The following ZNF99 variants were observed in gnomAD, a reference collection of about 807,000 sequenced individuals.
ZNF99 encodes zinc finger protein ENSP00000375192.
A neutral mutation model predicts 12.8 loss-of-function variants in ZNF99; 8 were observed. That is an observed-to-expected ratio of 0.62 (90% CI 0.37 to 1.13). The LOEUF (loss-of-function observed/expected upper bound fraction) is 1.13. Ranked by LOEUF, ZNF99 falls within the 50% of genes most tolerant of loss-of-function variation. The pLI is 0.02. For missense variants in ZNF99, 1,007 were observed against 1,006.2 expected, an observed-to-expected ratio of 1.00 and a Z score of -0.01; for synonymous variants, 318 against 319.0, an observed-to-expected ratio of 1.00 and a Z score of 0.03.
At chr19:22,778,480 TCA>T (rs1973352998) in intron 1 of ZNF99, among the ~76,000 whole-genome samples, 1 of 152,064 alleles carries the variant, frequency 6.6e-6, no homozygotes. Flanking sequence ...GATTCAGGGC[TCA>T]GTCTCACAAC....
rs1232919898 is a variant in ZNF99, at chr19:22,754,277, G to A, written c.*3037C>T. ...AGCTGCTTGGGAGGTTGAGGCCAGAGAATCGCTTGAACCCAGGAGGCGGAG... is the reference window on the plus strand; with the variant it reads ...AGCTGCTTGGGAGGTTGAGGCCAGAAAATCGCTTGAACCCAGGAGGCGGAG... On this transcript the variant is annotated 3_prime_UTR_variant, in exon 4 of 4. Coordinates refer to ENST00000596209, the MANE Select transcript of ZNF99 (RefSeq NM_001080409.3). 2.3e-6 allele frequency: 1 copy of A among 433,272 alleles called. No homozygotes were observed. Among genetic ancestry groups the A allele is most frequent in the Non-Finnish European group, 4.6e-6 (1 of 216,380 alleles). The allele number at this position is 433,272 out of a possible 1,614,324, so 26.8% of individuals were successfully genotyped here.
intron 1 of ZNF99, among the ~76,000 whole-genome samples, chr19:22,779,311 G>A (rs4614859): frequency 0.1 from 15,671 of 152,038 alleles, 1,841 homozygotes; most frequent in African/African-American, 0.29. Flanking sequence ...GGATCAAAAG[G>A]TCAGGAGTTC....
rs1050146613 is a variant in ZNF99 at position 22,753,982 on chromosome 19, T to A, written c.*3332A>T. 2.2e-6 allele frequency: 1 copy of A among 455,236 alleles called. No individual in the cohort carries two copies. The highest frequency in any genetic ancestry group is 2.0e-5 in the African/African-American group (1 of 50,010). 28.2% of individuals were successfully genotyped at this position (455,236 alleles called of 1,614,324 possible). Reference sequence around the variant, plus strand: ...GATTTCTTTTATGTTTAGAAAAGTTTAAGGTGTTCTCAAGAGCACTGTCAT... The same window carrying A: ...GATTTCTTTTATGTTTAGAAAAGTTAAAGGTGTTCTCAAGAGCACTGTCAT... On this transcript the variant is annotated 3_prime_UTR_variant, in exon 4 of 4. Transcript: ENST00000596209.
At chr19:22,766,572 C>T (rs866012306) in intron 3 of ZNF99, among the ~76,000 whole-genome samples, 8 of 151,528 alleles carry the variant, frequency 5.3e-5, no homozygotes, top group South Asian at 4.1e-4. Context: ...CTCCTGACCT[C>T]GTGATCCACC....
In ZNF99 at chr19:22,756,023, C is replaced by A; in HGVS notation, c.*1291G>T. On this transcript the variant is annotated 3_prime_UTR_variant, in exon 4 of 4. Coordinates refer to ENST00000596209, the MANE Select transcript of ZNF99 (RefSeq NM_001080409.3). Reference sequence around the variant, plus strand: ...TGAGGACTGGTTAAAGGCTTTGCCACATTCTTTACATTTGTGGGGTTTCTC... The same window carrying A: ...TGAGGACTGGTTAAAGGCTTTGCCAAATTCTTTACATTTGTGGGGTTTCTC... 2.0e-6 allele frequency: 2 copies of A among 987,680 alleles called. No homozygotes were observed. The highest frequency in any genetic ancestry group is 2.9e-6 in the Non-Finnish European group (2 of 678,882). 61.2% of individuals were successfully genotyped at this position (987,680 alleles called of 1,614,324 possible).
In ZNF99 at chr19:22,753,697, T is replaced by A. The variant is rs915046174; in HGVS notation, c.*3617A>T. On this transcript the variant is annotated 3_prime_UTR_variant, in exon 4 of 4. Transcript: ENST00000596209. ...TTCTAAAAGATATTCTCACAGTAAT[T>A]GCATTTTTAATATTTGTTTTAAGTA... 2.5e-5 allele frequency: 4 copies of A among 157,254 alleles called. No homozygotes were observed. Among genetic ancestry groups the A allele is most frequent in the African/African-American group, 9.6e-5 (4 of 41,496 alleles). 9.7% of individuals were successfully genotyped at this position (157,254 alleles called of 1,614,324 possible).
chr19:22,764,055 C>A (rs981223148), intron 3 of ZNF99, among the ~76,000 whole-genome samples: 1 of 151,636 alleles, frequency 6.6e-6, no homozygotes, highest in African/African-American at 2.4e-5. Context: ...ATTACAGGTG[C>A]CTGCCACTGC....
intron 3 of ZNF99, among the ~76,000 whole-genome samples, chr19:22,766,281 G>GT (rs1435924396): frequency 1.5e-5 from 2 of 129,206 alleles, no homozygotes; most frequent in Non-Finnish European, 3.1e-5. Context: ...GACAAAATAT[G>GT]TAAAAAAAAA....
chr19:22,780,616 G>A (rs1260338191), intron 1 of ZNF99, among the ~76,000 whole-genome samples: 11 of 152,000 alleles, frequency 7.2e-5, no homozygotes, highest in African/African-American at 2.2e-4. Flanking sequence ...ACTTGAACCC[G>A]GGAGGCAGAG....
chr19:22,762,882 G>T (rs1326508011), intron 3 of ZNF99, among the ~76,000 whole-genome samples: 2 of 152,000 alleles, frequency 1.3e-5, no homozygotes, highest in Non-Finnish European at 2.9e-5. Context: ...AAAAACAAAA[G>T]TCACAGGATC....
rs138053320 is a variant in ZNF99 at position 22,773,310 on chromosome 19, C to T, written c.4-3986G>A. ...ATAAAAGACAAATTTTCTTCAGCCC[C>T]GGAGAAACTCCACAATAATAGAACA... On this transcript the variant is annotated intron_variant, in intron 1 of 3. Coordinates refer to ENST00000596209, the MANE Select transcript of ZNF99 (RefSeq NM_001080409.3). 2.8e-4 allele frequency among the ~76,000 whole-genome samples: 42 copies of T among 152,192 alleles called. No homozygotes were observed. In the East Asian group the frequency reaches 6.6e-3, roughly 24 times the overall value.
intron 1 of ZNF99, among the ~76,000 whole-genome samples, chr19:22,780,642 G>A (rs1973377128): frequency 6.7e-6 from 1 of 149,324 alleles, no homozygotes. Flanking sequence ...AGTCAGCCAA[G>A]ATCGTGCCAT....
intron 1 of ZNF99, chr19:22,770,677 A>G (rs1197458111): frequency 6.6e-6 from 1 of 152,214 alleles, no homozygotes; most frequent in Non-Finnish European, 1.5e-5. Context: ...TAATCAAGTC[A>G]ATCATTAACA....
chr19:22,766,744 C>T (rs548244213), intron 3 of ZNF99, among the ~76,000 whole-genome samples: 56 of 151,704 alleles, frequency 3.7e-4, no homozygotes, highest in African/African-American at 1.3e-3. Flanking sequence ...CTCCGCCTCC[C>T]GGGTTCAAGC....
intron 1 of ZNF99, among the ~76,000 whole-genome samples, chr19:22,782,306 T>C (rs1224544579): frequency 6.6e-6 from 1 of 152,078 alleles, no homozygotes; most frequent in Admixed American, 6.6e-5. Context: ...TTAAAAATAA[T>C]TAAGTGGCAG....
rs1973016980 is a variant in ZNF99 at position 22,754,383 on chromosome 19, CTT to C, written c.*2929_*2930del. 1 of 393,228 alleles carries C rather than the reference CTT, an allele frequency of 2.5e-6. No homozygotes were observed. The highest frequency in any genetic ancestry group is 5.0e-6 in the Non-Finnish European group (1 of 201,882). The allele number at this position is 393,228 out of a possible 1,614,324, so 24.4% of individuals were successfully genotyped here. A position where few individuals can be genotyped will look rare whatever the true frequency, so the allele number is the denominator to read the frequency against. ...CTCCATTTCAAAAAAAAAAAAAAAA[CTT>C]TGCCACATTCTTCACATTTGTAGAA... On this transcript the variant is annotated 3_prime_UTR_variant, in exon 4 of 4. Transcript: ENST00000596209.
chr19:22,770,907 G>A (rs1568386489), intron 1 of ZNF99: 2 of 151,964 alleles, frequency 1.3e-5, no homozygotes, highest in East Asian at 3.9e-4. Context: ...TAGCACACTA[G>A]AGAGCAGGTA....
intron 3 of ZNF99, among the ~76,000 whole-genome samples, chr19:22,763,599 C>T (rs114778452): frequency 0.017 from 2,655 of 152,088 alleles, 67 homozygotes; most frequent in African/African-American, 0.061. Context: ...AAAATACCAC[C>T]GTCATTCTTC....
rs1973065591 is a variant in ZNF99, at chr19:22,756,745, A to G, written c.*569T>C. The G allele has an allele frequency of 6.3e-7, 1 of 1,589,264 alleles. No individual in the cohort carries two copies. The highest frequency in any genetic ancestry group is 1.7e-5 in the Admixed American group (1 of 59,298). ...AGTATGAATTATCTTATGTTTCATAAGGGTTGAGGAATTGTTAAAAGCTTT... is the reference window on the plus strand; with the variant it reads ...AGTATGAATTATCTTATGTTTCATAGGGGTTGAGGAATTGTTAAAAGCTTT... On this transcript the variant is annotated 3_prime_UTR_variant, in exon 4 of 4. Coordinates refer to ENST00000596209, the MANE Select transcript of ZNF99 (RefSeq NM_001080409.3).
Sources: gnomAD v4.1 joint callset for allele counts (sites outside exome capture counted in the v4.1 genomes callset) on GRCh38, gnomAD v4.1.1 for gene constraint, MANE v1.5 for transcripts, NCBI Gene and HGNC (gene_info 2026-07-23, HGNC 2026-07-21) for gene names.